The following CLSPN variants were observed in gnomAD, a reference collection of about 807,000 sequenced individuals.
CLSPN encodes claspin homolog.
A neutral mutation model predicts 156.3 loss-of-function variants in CLSPN; 85 were observed. The observed-to-expected ratio is 0.54, with a 90% CI of 0.46 to 0.65. CLSPN has a LOEUF of 0.65. Among genes scored for constraint, CLSPN ranks in the 30% least tolerant of loss-of-function variants. The pLI is 0.00. For missense variants in CLSPN, 1,407 were observed against 1,554.9 expected (o/e 0.90, Z 1.60); for synonymous variants, 534 against 542.4 (o/e 0.98, Z 0.22).
At chr1:35,762,691 T>C (rs530681496) in intron 4 of CLSPN, among the ~76,000 whole-genome samples, 1 of 152,240 alleles carries the variant, frequency 6.6e-6, no homozygotes, top group East Asian at 1.9e-4. Flanking sequence ...CTTTTACCTC[T>C]GCTTACATCT....
In CLSPN at chr1:35,762,150, T is replaced by C. The variant is rs193019270; in HGVS notation, c.823-80A>G. ...AGATATTCATCACTCAAGAGTTTGC[T>C]CTCTCCAAGAAAAGAGGAAAGGAAA... On this transcript the variant is annotated intron_variant, in intron 5 of 24. Coordinates refer to ENST00000318121, the MANE Select transcript of CLSPN (RefSeq NM_022111.4). 1.8e-5 allele frequency: 20 copies of C among 1,120,228 alleles called. No individual in the cohort carries two copies. In the Admixed American group the frequency reaches 1.8e-4, roughly 10 times the overall value. 69.4% of individuals were successfully genotyped at this position (1,120,228 alleles called of 1,614,324 possible).
At position 35,733,860 on chromosome 1, in the gene CLSPN, T is replaced by A. The variant is rs556027672; in HGVS notation, c.*2636A>T. ...GGCATGGTGGCATATGCCTGTAATG[T>A]GGCCCAGCTATTCCAAAGGTTGAGG... On this transcript the variant is annotated 3_prime_UTR_variant, in exon 25 of 25. Transcript: ENST00000318121. The A allele has an allele frequency of 6.3e-5, 33 of 522,544 alleles. 1 individual carries two copies. 32.4% of individuals were successfully genotyped at this position (522,544 alleles called of 1,614,324 possible).
intron 1 of CLSPN, among the ~76,000 whole-genome samples, chr1:35,767,215 T>C (rs1571226280): frequency 6.6e-6 from 1 of 152,312 alleles, no homozygotes; most frequent in East Asian, 1.9e-4. Flanking sequence ...AAGTGGCATA[T>C]AAAAATAAAT....
At chr1:35,742,286 T>C (rs1284468368) in intron 18 of CLSPN, among the ~76,000 whole-genome samples, 1 of 152,222 alleles carries the variant, frequency 6.6e-6, no homozygotes, top group Non-Finnish European at 1.5e-5. Flanking sequence ...CTTCTAGCTA[T>C]GTGATCTTGG....
Position 35,734,614 on chromosome 1 carries a change from G to T in CLSPN, c.*1882C>A, listed in dbSNP as rs1641400064. 4.6e-6 allele frequency: 2 copies of T among 433,136 alleles called. No individual in the cohort carries two copies. Among genetic ancestry groups the T allele is most frequent in the Non-Finnish European group, 6.1e-6 (2 of 328,798 alleles). 26.8% of individuals were successfully genotyped at this position (433,136 alleles called of 1,614,324 possible). On this transcript the variant is annotated 3_prime_UTR_variant, in exon 25 of 25. Transcript: ENST00000318121. ...AATTGCTTGAACCTAGGAGGCGGAG[G>T]TTGCAGTAAGCCGAGATCATGCCAT... is the stretch of plus-strand genomic sequence containing the variant.
At chr1:35,756,293 T>C (rs1421873727) in intron 8 of CLSPN, among the ~76,000 whole-genome samples, 1 of 152,128 alleles carries the variant, frequency 6.6e-6, no homozygotes, top group East Asian at 1.9e-4. Context: ...AGGCAGGTTA[T>C]TATGGGTGCC....
chr1:35,751,499 C>G lies in CLSPN; in HGVS notation c.1779G>C (p.Lys593Asn), dbSNP rs200652216. The change falls in exon 10 of 25, where the codon AAG (lysine) becomes AAC (asparagine). Residue 593 changes from lysine (K) to asparagine (N), a missense_variant. Lys to Asn is a moderately conservative substitution (Grantham distance 94, BLOSUM62 0). Around this residue, in one of 3 missense-constraint regions of CLSPN, gnomAD observed 1,096 missense variants for 1,193.0 expected, o/e 0.92. Transcript: ENST00000318121. Reference sequence around the variant, plus strand: ...GCAGTTTAGCTTTTAACACCTGAAGCTTTTCACCTGAACAGAAATATGTAG... The same window carrying G: ...GCAGTTTAGCTTTTAACACCTGAAGGTTTTCACCTGAACAGAAATATGTAG... ...DGASHTKPGE[K>N]LQVLKAKLQE... The G allele has an allele frequency of 3.1e-6, 5 of 1,612,840 alleles. No homozygotes were observed. In the African/African-American group the frequency reaches 5.3e-5, roughly 17 times the overall value.
At position 35,762,202 on chromosome 1, in the gene CLSPN, A is replaced by G. The variant is rs1209206033; in HGVS notation, c.823-132T>C. The G allele has an allele frequency of 3.8e-6, 3 of 798,722 alleles. No homozygotes were observed. In the East Asian group the frequency reaches 8.0e-5, roughly 21 times the overall value. The allele number at this position is 798,722 out of a possible 1,614,324, so 49.5% of individuals were successfully genotyped here. ...AGTAAGCATGAGTAAGCCCAAATGC[A>G]GTATAAACTCAAGGAATTCATTTAT... On this transcript the variant is annotated intron_variant, in intron 5 of 24. Transcript: ENST00000318121.
intron 2 of CLSPN, 49 bp from the exon 3 acceptor site, chr1:35,764,763 C>A: frequency 8.5e-7 from 1 of 1,172,536 alleles, no homozygotes; most frequent in South Asian, 1.6e-5. Context: ...GATCTTCCTC[C>A]TAGTCCCACT....
intron 14 of CLSPN, 25 bp downstream of exon 14, chr1:35,747,882 C>A: frequency 6.2e-7 from 1 of 1,606,316 alleles, no homozygotes; most frequent in Non-Finnish European, 8.5e-7. Context: ...ACCATTCCCG[C>A]CCACAGAAAC....
chr1:35,738,049 C>T lies in CLSPN; in HGVS notation c.3607G>A (p.Asp1203Asn). The T allele has an allele frequency of 6.8e-7, 1 of 1,476,136 alleles. No homozygotes were observed. Among genetic ancestry groups the T allele is most frequent in the Non-Finnish European group, 9.1e-7 (1 of 1,102,844 alleles). The allele number at this position is 1,476,136 out of a possible 1,614,324, so 91.4% of individuals were successfully genotyped here. A position where few individuals can be genotyped will look rare whatever the true frequency, so the allele number is the denominator to read the frequency against. ...TAEEEEEIGE[D>N]SQFMILAKKV... ...TTGGCCAGTATCATAAACTGACTGT[C>T]CTCCCCAATTTCTTCTTCTTCTTCA... Residue 1203 changes from aspartate to asparagine, a missense_variant, in exon 22 of 25, where the codon GAC (aspartate) becomes AAC (asparagine). Asp to Asn is a conservative substitution (Grantham distance 23, BLOSUM62 1). Transcript: ENST00000318121.
intron 8 of CLSPN, among the ~76,000 whole-genome samples, chr1:35,759,032 C>T (rs1300114021): frequency 6.6e-6 from 1 of 152,194 alleles, no homozygotes; most frequent in Non-Finnish European, 1.5e-5. Flanking sequence ...CCTGGTCTTG[C>T]TACAAAGTCT....
chr1:35,730,094 A>G (rs747454109), downstream of CLSPN, among the ~76,000 whole-genome samples: 5 of 152,238 alleles, frequency 3.3e-5, no homozygotes, highest in African/African-American at 4.8e-5. Context: ...CAAAAAATTC[A>G]TTGAATTATT....
At chr1:35,763,107 A>C (rs1642539719) in intron 4 of CLSPN, 53 bp downstream of exon 4, 1 of 1,352,194 alleles carries the variant, frequency 7.4e-7, no homozygotes, top group East Asian at 2.7e-5. Flanking sequence ...TTAAAAATAT[A>C]GCAAAGGTCA....
rs761295225 is a variant in CLSPN at position 35,762,075 on chromosome 1, A to C, written c.823-5T>G. 1.3e-6 allele frequency: 2 copies of C among 1,590,372 alleles called. No individual in the cohort carries two copies. Among genetic ancestry groups the C allele is most frequent in the South Asian group, 2.2e-5 (2 of 90,346 alleles). ...TAATCTGGCTGCCTTTCTTTCCTTA[A>C]AGAAAACAAGAAGTGAGACTACATT... On this transcript the variant is annotated splice_polypyrimidine_tract_variant and splice_region_variant and intron_variant, in intron 5 of 24. Coordinates refer to ENST00000318121, the MANE Select transcript of CLSPN (RefSeq NM_022111.4).
At chr1:35,745,584 A>G (rs1339567178) in intron 15 of CLSPN, 22 bp from the exon 16 acceptor site, 1 of 1,485,160 alleles carries the variant, frequency 6.7e-7, no homozygotes, top group African/African-American at 1.4e-5. Flanking sequence ...CAAGGAAAAG[A>G]TGTGTCACCA....
At position 35,734,692 on chromosome 1, in the gene CLSPN, A is replaced by C. The variant is rs1641405985; in HGVS notation, c.*1804T>G. The C allele has an allele frequency of 2.0e-5, 17 of 839,352 alleles. No homozygotes were observed. The highest frequency in any genetic ancestry group is 2.4e-5 in the Non-Finnish European group (17 of 719,456). 52.0% of individuals were successfully genotyped at this position (839,352 alleles called of 1,614,324 possible). On this transcript the variant is annotated 3_prime_UTR_variant, in exon 25 of 25. Transcript: ENST00000318121. Reference sequence around the variant, plus strand: ...GCCTATGTCTCAAAAAAAAAAAAAGAAAAGAAAAGAAAAGAAAAAGAAAAA... The same window carrying C: ...GCCTATGTCTCAAAAAAAAAAAAAGCAAAGAAAAGAAAAGAAAAAGAAAAA...
At chr1:35,755,790 C>T (rs1316533724) in intron 8 of CLSPN, among the ~76,000 whole-genome samples, 1 of 152,134 alleles carries the variant, frequency 6.6e-6, no homozygotes, top group African/African-American at 2.4e-5. Context: ...CTCACTGCAA[C>T]CTTGACCTCC....
At chr1:35,754,030 A>T (rs1426497084) in intron 8 of CLSPN, 94 bp from the exon 9 acceptor site, 2 of 1,128,958 alleles carry the variant, frequency 1.8e-6, no homozygotes, top group East Asian at 5.1e-5. Flanking sequence ...CTCAACAATT[A>T]TGAGGGAAAC....
Sources: gnomAD v4.1 joint callset for allele counts (sites outside exome capture counted in the v4.1 genomes callset) on GRCh38, gnomAD v4.1.1 for gene constraint, gnomAD v4.1.1 regional missense constraint, MANE v1.5 for transcripts, NCBI Gene and HGNC (gene_info 2026-07-23, HGNC 2026-07-21) for gene names.